NASP: variants seen among roughly 807,000 people sequenced by gnomAD.
The protein encoded by NASP is nuclear autoantigenic sperm protein.
In NASP, 24 loss-of-function variants were observed where a neutral mutation model predicts 89.5. That is an observed-to-expected ratio of 0.27 (90% CI 0.19 to 0.38). NASP has a LOEUF of 0.38. NASP is among the 10% of genes least tolerant of loss of function. NASP has a pLI of 1.00. For synonymous variants in NASP, 306 were observed against 324.7 expected, an observed-to-expected ratio of 0.94 and a Z score of 0.62; for missense variants, 848 against 921.4, an observed-to-expected ratio of 0.92 and a Z score of 1.03.
rs570758121 is a variant in NASP, at chr1:45,609,856, C to T, written c.1426+1519C>T. 6 of 152,220 alleles carry T rather than the reference C, an allele frequency of 3.9e-5. No homozygotes were observed. In the East Asian group the frequency reaches 1.2e-3, roughly 29 times the overall value. The allele number at this position is 152,220 out of a possible 1,614,324, so 9.4% of individuals were successfully genotyped here. A position where few individuals can be genotyped will look rare whatever the true frequency, so the allele number is the denominator to read the frequency against. On this transcript the variant is annotated intron_variant, in intron 6 of 14. Coordinates refer to ENST00000350030, the MANE Select transcript of NASP (RefSeq NM_002482.4). ...GAATATATTATTCTTCCCAAGTTACCACACATTGAAGAAGACAGTGTTCAT... is the reference window on the plus strand; with the variant it reads ...GAATATATTATTCTTCCCAAGTTACTACACATTGAAGAAGACAGTGTTCAT...
In NASP at chr1:45,584,557, C is replaced by T. The variant is rs920814751; in HGVS notation, c.59+352C>T. On this transcript the variant is annotated intron_variant, in intron 1 of 14. Transcript: ENST00000350030. ...GCGCGGGTTGGCCTTCACGCCCCTT[C>T]TGTCCCCAGCGTGTGCCTCTGGTAG... is the stretch of plus-strand genomic sequence containing the variant. Among the ~76,000 whole-genome samples, 8 of 152,146 alleles carry T rather than the reference C, an allele frequency of 5.3e-5. No homozygotes were observed. In the South Asian group the frequency reaches 6.2e-4, roughly 12 times the overall value.
At chr1:45,587,544 A>G (rs911216739) in intron 1 of NASP, among the ~76,000 whole-genome samples, 6 of 151,114 alleles carry the variant, frequency 4.0e-5, no homozygotes, top group Middle Eastern at 3.4e-3. Context: ...TTAACTTTTT[A>G]TAATTTGTAT....
At chr1:45,586,288 T>TGTGTGTGTGTGTGTGTGTG (rs1557646565) in intron 1 of NASP, among the ~76,000 whole-genome samples, 9 of 95,840 alleles carry the variant, frequency 9.4e-5, no homozygotes, top group Admixed American at 2.1e-4. Flanking sequence ...GTGTGTGGTG[T>TGTGTGTGTGTGTGTGTGTG]GTGTGTGTGT....
chr1:45,586,770 A>G (rs1348439196), intron 1 of NASP, among the ~76,000 whole-genome samples: 5 of 152,242 alleles, frequency 3.3e-5, no homozygotes, highest in African/African-American at 1.2e-4. Flanking sequence ...GTAAGAATGT[A>G]CATTATAATT....
At chr1:45,612,418 A>G (rs1644031040) in intron 6 of NASP, 1 of 152,184 alleles carries the variant, frequency 6.6e-6, no homozygotes, top group Non-Finnish European at 1.5e-5. Context: ...GCTTATTTTA[A>G]TCACTTAACA....
chr1:45,606,423 TA>T (rs1260091394), intron 4 of NASP, 58 bp from the exon 5 acceptor site: 1 of 1,220,578 alleles, frequency 8.2e-7, no homozygotes, highest in Non-Finnish European at 1.2e-6. Context: ...TTTTCTGTCT[TA>T]GAAAAAATTG....
At chr1:45,606,686 T>A in intron 5 of NASP, 95 bp downstream of exon 5, 2 of 773,920 alleles carry the variant, frequency 2.6e-6, no homozygotes, top group Non-Finnish European at 4.2e-6. Flanking sequence ...CTGGATGGTC[T>A]CTCCTAAGAT....
Position 45,608,165 on chromosome 1 carries a change from G to A in NASP, c.1254G>A (p.Leu418=). ...TAGAGGAGAAGGTCAGGGCAAAGCTGGTTCCTAGTCAGGAGGAGACTAAGC... is the reference window on the plus strand; with the variant it reads ...TAGAGGAGAAGGTCAGGGCAAAGCTAGTTCCTAGTCAGGAGGAGACTAAGC... ...SGLEEKVRAK[L]VPSQEETKLS... The change falls in exon 6 of 15, where the codon CTG becomes CTA. Residue 418 remains leucine (L), a synonymous_variant. Transcript: ENST00000350030. 6.2e-7 allele frequency: 1 copy of A among 1,614,166 alleles called. No homozygotes were observed. Among genetic ancestry groups the A allele is most frequent in the Non-Finnish European group, 8.5e-7 (1 of 1,180,004 alleles).
chr1:45,590,549 CAAAAAAAAA>C (rs1036511604), intron 1 of NASP, among the ~76,000 whole-genome samples: 1 of 58,970 alleles, frequency 1.7e-5, no homozygotes, highest in African/African-American at 6.1e-5. Flanking sequence ...GACTCTGTCT[CAAAAAAAAA>C]AAAAAAAAAG....
At chr1:45,586,239 C>CGTGTGTGTGTGTGTGTGTGTGTGTGTGT (rs537983711) in intron 1 of NASP, among the ~76,000 whole-genome samples, 11 of 110,286 alleles carry the variant, frequency 1.0e-4, no homozygotes, top group African/African-American at 3.1e-4. Flanking sequence ...CCTACCGTGC[C>CGTGTGTGTGTGTGTGTGTGTGTGTGTGT]GTGTGTGTGT....
chr1:45,613,521 G>T (rs1644053195), intron 7 of NASP, among the ~76,000 whole-genome samples: 1 of 152,178 alleles, frequency 6.6e-6, no homozygotes, highest in South Asian at 2.1e-4. Context: ...CTCTGTCTCT[G>T]CCCAGGCCGG....
intron 1 of NASP, among the ~76,000 whole-genome samples, chr1:45,586,687 CTTAGAGG>C: frequency 6.6e-6 from 1 of 152,158 alleles, no homozygotes; most frequent in Non-Finnish European, 1.5e-5. Flanking sequence ...AGTGGGGACA[CTTAGAGG>C]TAAAGTTTAT....
intron 9 of NASP, 149 bp downstream of exon 9, chr1:45,614,515 G>A: frequency 6.0e-6 from 4 of 670,218 alleles, no homozygotes; most frequent in South Asian, 5.6e-5. Flanking sequence ...CTTCCAAGTG[G>A]CACTCAGTCT....
intron 1 of NASP, among the ~76,000 whole-genome samples, chr1:45,587,469 C>T (rs1017156301): frequency 3.3e-5 from 5 of 151,694 alleles, no homozygotes; most frequent in Admixed American, 6.6e-5. Flanking sequence ...AATACTGCAT[C>T]TTTGTTCATT....
Position 45,613,210 on chromosome 1 carries a change from A to G in NASP, c.1468A>G (p.Thr490Ala). 2 of 1,612,018 alleles carry G rather than the reference A, an allele frequency of 1.2e-6. No individual in the cohort carries two copies. Among genetic ancestry groups the G allele is most frequent in the Non-Finnish European group, 1.7e-6 (2 of 1,178,886 alleles). The change falls in exon 7 of 15, where the codon ACC becomes GCC. Residue 490 changes from threonine (T) to alanine (A), a missense_variant. Physicochemically the swap from Thr to Ala is moderately conservative, Grantham distance 58 (BLOSUM62 0). Around this residue, in one of 5 missense-constraint regions of NASP, gnomAD observed 464 missense variants for 469.4 expected, o/e 0.99. Transcript: ENST00000350030. ...SEEDDKENDK[T>A]EEMPNDSVLE... ...AGAGGATGATAAAGAAAATGATAAG[A>G]CCGAAGAAATGCCAAATGATTCAGT...
chr1:45,590,570 AAAG>A (rs1643516289), intron 1 of NASP, among the ~76,000 whole-genome samples: 1 of 151,298 alleles, frequency 6.6e-6, no homozygotes, highest in African/African-American at 2.4e-5. Context: ...AAAAAAAAGA[AAAG>A]AAATTTATCA....
chr1:45,603,355 TAGTTA>T (rs1022462102), intron 3 of NASP, among the ~76,000 whole-genome samples: 72 of 152,228 alleles, frequency 4.7e-4, no homozygotes, highest in African/African-American at 1.7e-3. Context: ...ACATTACATA[TAGTTA>T]AGTTAAATCT....
intron 2 of NASP, among the ~76,000 whole-genome samples, chr1:45,598,703 A>C (rs1314281013): frequency 2.6e-5 from 4 of 152,210 alleles, no homozygotes; most frequent in Non-Finnish European, 5.9e-5. Context: ...AATACTGTAC[A>C]GTAATTGATT....
chr1:45,590,531 CAG>C (rs1424265709), intron 1 of NASP, among the ~76,000 whole-genome samples: 1 of 123,182 alleles, frequency 8.1e-6, no homozygotes, highest in Non-Finnish European at 1.6e-5. Flanking sequence ...GCCTGGGCGA[CAG>C]AGCAAGACTC....
Sources: allele counts gnomAD v4.1 joint callset (sites outside exome capture counted in the v4.1 genomes callset), GRCh38; gene constraint gnomAD v4.1.1; regional missense constraint gnomAD v4.1.1; transcripts MANE v1.5; gene names NCBI Gene and HGNC (gene_info 2026-07-23, HGNC 2026-07-21).